Variants in UBE2J1 observed in about 807,000 individuals in gnomAD.
UBE2J1 encodes ubiquitin conjugating enzyme E2 J1, also known as ubiquitin-conjugating enzyme E2 J1.
In UBE2J1, 17 loss-of-function variants were observed where a neutral mutation model predicts 42.1. The observed-to-expected ratio is 0.40, with a 90% confidence interval of 0.28 to 0.61. UBE2J1 has a LOEUF of 0.61. UBE2J1 is among the 20% of genes least tolerant of loss of function. The probability of loss-of-function intolerance (pLI) is 0.38; values close to 1 mark genes in which losing one functional copy is unlikely to be tolerated. For synonymous variants in UBE2J1, 127 were observed against 137.2 expected (o/e 0.93, Z 0.52); for missense variants, 291 against 389.4 (o/e 0.75, Z 2.13).
At chr6:89,337,148 A>AT (rs1768122781) in intron 5 of UBE2J1, among the ~76,000 whole-genome samples, 1 of 151,870 alleles carries the variant, frequency 6.6e-6, no homozygotes, top group Admixed American at 6.6e-5. Flanking sequence ...GCCCAAAATC[A>AT]TTTTTTAAAA....
rs1234670002 is a variant in UBE2J1, at chr6:89,343,581, C to T, written c.105+102G>A. 8.8e-6 allele frequency: 6 copies of T among 683,414 alleles called. No individual in the cohort carries two copies. The Admixed American group carries it at 2.0e-4, about 22-fold the overall frequency. 42.3% of individuals were successfully genotyped at this position (683,414 alleles called of 1,614,324 possible). A position where few individuals can be genotyped will look rare whatever the true frequency, so the allele number is the denominator to read the frequency against. On this transcript the variant is annotated intron_variant, in intron 2 of 7. Coordinates refer to ENST00000435041, the MANE Select transcript of UBE2J1 (RefSeq NM_016021.3). ...ATATGGTGAATAAAACGTCAAACTA[C>T]ATCACACACATCTGTAATGACTCAA...
rs200501664 is a variant in UBE2J1 at position 89,338,167 on chromosome 6, C to A, written c.428+38G>T. ...CTCCTAATAGCCATTACCCTGAATA[C>A]TATTCAGACCTCAAGAAGAATGAAA... On this transcript the variant is annotated intron_variant, in intron 5 of 7. Transcript: ENST00000435041. The A allele has an allele frequency of 4.4e-5, 64 of 1,453,786 alleles. No homozygotes were observed. The East Asian group carries it at 1.4e-3, about 32-fold the overall frequency. The allele number at this position is 1,453,786 out of a possible 1,614,324, so 90.1% of individuals were successfully genotyped here.
At chr6:89,343,653 C>A in intron 2 of UBE2J1, 30 bp downstream of exon 2, 1 of 1,535,426 alleles carries the variant, frequency 6.5e-7, no homozygotes, top group Non-Finnish European at 8.8e-7. Flanking sequence ...TATTAAAATC[C>A]ATATGAAGAA....
intron 1 of UBE2J1, among the ~76,000 whole-genome samples, chr6:89,350,354 C>CGT (rs139472058): frequency 4.5e-4 from 68 of 151,394 alleles, no homozygotes; most frequent in Admixed American, 2.0e-3. Flanking sequence ...TGGTATTTTA[C>CGT]GTGTGTGTGT....
chr6:89,343,954 GTTATATA>G (rs1052070958), intron 1 of UBE2J1, among the ~76,000 whole-genome samples, 198 bp from the exon 2 acceptor site: 1 of 151,992 alleles, frequency 6.6e-6, no homozygotes, highest in Admixed American at 6.6e-5. Flanking sequence ...CTTTAAAAGA[GTTATATA>G]TTAAATATAT....
intron 3 of UBE2J1, 22 bp downstream of exon 3, chr6:89,342,302 T>C: frequency 6.2e-7 from 1 of 1,613,144 alleles, no homozygotes; most frequent in South Asian, 1.1e-5. Flanking sequence ...CCACAAGCAC[T>C]CTAAAAATCC....
chr6:89,344,140 A>G (rs975207130), intron 1 of UBE2J1, among the ~76,000 whole-genome samples: 2 of 152,168 alleles, frequency 1.3e-5, no homozygotes, highest in South Asian at 2.1e-4. Flanking sequence ...CGAGACACGG[A>G]GAGATTATAT....
intron 3 of UBE2J1, among the ~76,000 whole-genome samples, chr6:89,338,948 A>G (rs1277311648): frequency 6.6e-6 from 1 of 151,962 alleles, no homozygotes; most frequent in African/African-American, 2.4e-5. Flanking sequence ...TACAGGCATG[A>G]GCCACCGCGC....
intron 3 of UBE2J1, 52 bp from the exon 4 acceptor site, chr6:89,338,595 A>G (rs1768156415): frequency 1.1e-6 from 1 of 916,930 alleles, no homozygotes; most frequent in Non-Finnish European, 1.5e-6. Flanking sequence ...CTTAATGTTT[A>G]TACTTTCTGT....
intron 3 of UBE2J1, 110 bp from the exon 4 acceptor site, chr6:89,338,653 GTTTGTTTTTTTTT>G (rs1768159295): frequency 8.3e-6 from 1 of 120,568 alleles, no homozygotes; most frequent in East Asian, 2.8e-4. Context: ...ATCTTAAAAA[GTTTGTTTTTTTTT>G]TTTTTTTTTT....
chr6:89,345,356 C>T (rs528644336), intron 1 of UBE2J1, among the ~76,000 whole-genome samples: 3 of 152,262 alleles, frequency 2.0e-5, no homozygotes, highest in Admixed American at 6.5e-5. Flanking sequence ...AATCCTAGCA[C>T]TTTGGGAGAC....
chr6:89,332,971 T>A (rs1261195362), intron 7 of UBE2J1, 115 bp downstream of exon 7: 1 of 825,738 alleles, frequency 1.2e-6, no homozygotes, highest in Non-Finnish European at 1.8e-6. Flanking sequence ...TGAGTTAGAA[T>A]CCAGTTGTTA....
At chr6:89,349,750 A>C (rs1236661411) in intron 1 of UBE2J1, among the ~76,000 whole-genome samples, 1 of 152,202 alleles carries the variant, frequency 6.6e-6, no homozygotes, top group Non-Finnish European at 1.5e-5. Flanking sequence ...GGGAAGGTGC[A>C]GTTGACACCA....
intron 5 of UBE2J1, among the ~76,000 whole-genome samples, chr6:89,337,183 T>C (rs570915877): frequency 6.6e-6 from 1 of 151,236 alleles, no homozygotes; most frequent in South Asian, 2.1e-4. Flanking sequence ...ACTGAGAATC[T>C]AGAATATACA....
chr6:89,342,295 C>CA (rs1562420568), intron 3 of UBE2J1, 29 bp downstream of exon 3: 1 of 1,611,064 alleles, frequency 6.2e-7, no homozygotes, highest in Admixed American at 1.7e-5. Context: ...AGTGAAGCCA[C>CA]AAGCACTCTA....
intron 1 of UBE2J1, among the ~76,000 whole-genome samples, chr6:89,350,757 T>C (rs1204061891): frequency 6.6e-6 from 1 of 152,216 alleles, no homozygotes; most frequent in Non-Finnish European, 1.5e-5. Context: ...CTTATCATCA[T>C]AGTATTAAGT....
intron 1 of UBE2J1, among the ~76,000 whole-genome samples, 192 bp from the exon 2 acceptor site, chr6:89,343,948 A>C (rs1768309600): frequency 6.6e-6 from 1 of 152,196 alleles, no homozygotes; most frequent in African/African-American, 2.4e-5. Context: ...TTAACACTTT[A>C]AAAGAGTTAT....
At chr6:89,337,455 A>G (rs1282638426) in intron 5 of UBE2J1, among the ~76,000 whole-genome samples, 1 of 152,178 alleles carries the variant, frequency 6.6e-6, no homozygotes, top group East Asian at 1.9e-4. Context: ...AGATGCTAAA[A>G]TCTAACTGAT....
At chr6:89,343,611 A>T in intron 2 of UBE2J1, 72 bp downstream of exon 2, 2 of 1,181,834 alleles carry the variant, frequency 1.7e-6, no homozygotes, top group Non-Finnish European at 2.4e-6. Context: ...ACTCAAAGCA[A>T]TGAAAAGCAA....
Sources: gnomAD v4.1 joint callset for allele counts (sites outside exome capture counted in the v4.1 genomes callset) on GRCh38, gnomAD v4.1.1 for gene constraint, MANE v1.5 for transcripts, NCBI Gene and HGNC (gene_info 2026-07-23, HGNC 2026-07-21) for gene names.